The following SEMA6D variants were observed in gnomAD, a reference collection of about 807,000 sequenced individuals.
SEMA6D encodes semaphorin 6D.
In SEMA6D, 35 loss-of-function variants were observed where a neutral mutation model predicts 106.6. The ratio of observed to expected loss-of-function variants is 0.33; its 90% CI spans 0.25 to 0.44. The LOEUF (loss-of-function observed/expected upper bound fraction) is 0.44, where lower values mean the gene tolerates loss of function less well. Ranked by LOEUF, SEMA6D falls within the 20% of genes least tolerant of loss-of-function variation. The pLI is 1.00. For synonymous variants in SEMA6D, 499 were observed against 487.7 expected, an observed-to-expected ratio of 1.02 and a Z score of -0.31; for missense variants, 1,185 against 1,345.9, an observed-to-expected ratio of 0.88 and a Z score of 1.87.
chr15:47,414,994 G>A lies in SEMA6D; in HGVS notation c.-159+2522G>A, dbSNP rs187664099. On this transcript the variant is annotated intron_variant, in intron 2 of 19. Transcript: ENST00000558014. ...TACTCTATTCTCTGTAGACTTAGCT[G>A]GAGATAAAATAATAAGTAAAAAATA... Among the ~76,000 whole-genome samples the A allele has an allele frequency of 1.6e-3, 236 of 152,212 alleles. 1 individual carries two copies. Among genetic ancestry groups the A allele is most frequent in the African/African-American group, 5.6e-3 (232 of 41,534 alleles).
intron 2 of SEMA6D, among the ~76,000 whole-genome samples, chr15:47,469,345 T>C (rs945117084): frequency 1.4e-5 from 2 of 144,126 alleles, no homozygotes; most frequent in South Asian, 2.1e-4. Context: ...CATGTGCGTG[T>C]GTGTGTGTGT....
At chr15:47,228,442 T>C (rs1303207678) in intron 1 of SEMA6D, among the ~76,000 whole-genome samples, 1 of 149,000 alleles carries the variant, frequency 6.7e-6, no homozygotes, top group Non-Finnish European at 1.5e-5. Context: ...AAATGATAGC[T>C]CTGTCCCAGA....
intron 3 of SEMA6D, among the ~76,000 whole-genome samples, chr15:47,533,560 C>T (rs184587289): frequency 9.9e-5 from 15 of 152,152 alleles, no homozygotes; most frequent in Admixed American, 5.9e-4. Context: ...GTGGGAAGCG[C>T]GGGAAGTGAA....
At chr15:47,334,398 T>A (rs568024985) in intron 1 of SEMA6D, among the ~76,000 whole-genome samples, 1 of 152,266 alleles carries the variant, frequency 6.6e-6, no homozygotes, top group African/African-American at 2.4e-5. Context: ...GGGCCCAGAC[T>A]TATGACTAGT....
At chr15:47,228,379 A>C (rs1414852909) in intron 1 of SEMA6D, among the ~76,000 whole-genome samples, 1 of 151,898 alleles carries the variant, frequency 6.6e-6, no homozygotes, top group Non-Finnish European at 1.5e-5. Context: ...TTAATCTATG[A>C]GGACTTAATA....
chr15:47,690,783 C>T (rs1031450884), intron 4 of SEMA6D, among the ~76,000 whole-genome samples: 7 of 139,250 alleles, frequency 5.0e-5, no homozygotes, highest in East Asian at 4.1e-4. Flanking sequence ...TTGTAGAAAC[C>T]GGGCTATTTT....
chr15:47,434,063 C>T (rs1232347908), intron 2 of SEMA6D, among the ~76,000 whole-genome samples: 2 of 151,924 alleles, frequency 1.3e-5, no homozygotes, highest in Non-Finnish European at 2.9e-5. Flanking sequence ...GTTGAGGTGG[C>T]AGAGAAAAAA....
In SEMA6D at chr15:47,585,107, G is replaced by A. The variant is rs543623189; in HGVS notation, c.-86-15758G>A. Among the ~76,000 whole-genome samples, 10 of 152,336 alleles carry A rather than the reference G, an allele frequency of 6.6e-5. No homozygotes were observed. The East Asian group carries it at 1.7e-3, about 26-fold the overall frequency. ...TTTGTTTGGCATCTGTTTATGTCAA[G>A]TCAGATCTTCTCCCAACATCCAAAT... On this transcript the variant is annotated intron_variant, in intron 3 of 19. Coordinates refer to the SEMA6D transcript ENST00000558014.
chr15:47,704,452 C>T (rs2078874500), intron 4 of SEMA6D, among the ~76,000 whole-genome samples: 1 of 152,222 alleles, frequency 6.6e-6, no homozygotes, highest in Non-Finnish European at 1.5e-5. Flanking sequence ...GGAACAGCAG[C>T]TCACGCCTGT....
At chr15:47,261,171 C>G (rs563799880) in intron 1 of SEMA6D, among the ~76,000 whole-genome samples, 1 of 152,050 alleles carries the variant, frequency 6.6e-6, no homozygotes, top group Non-Finnish European at 1.5e-5. Context: ...TTTTACTAAC[C>G]GAGTTTTGCC....
intron 1 of SEMA6D, among the ~76,000 whole-genome samples, chr15:47,209,835 T>C (rs963620004): frequency 6.6e-6 from 1 of 152,166 alleles, no homozygotes; most frequent in African/African-American, 2.4e-5. Flanking sequence ...AAGGAAAATA[T>C]TGAAATTCTT....
intron 1 of SEMA6D, among the ~76,000 whole-genome samples, chr15:47,754,808 C>G (rs1368927075): frequency 2.0e-5 from 3 of 152,060 alleles, no homozygotes; most frequent in Non-Finnish European, 4.4e-5. Flanking sequence ...CTGTTTCTTT[C>G]AAACTTTTTG....
chr15:47,651,916 T>C (rs764285655), intron 4 of SEMA6D, among the ~76,000 whole-genome samples: 7 of 152,216 alleles, frequency 4.6e-5, no homozygotes, highest in Non-Finnish European at 8.8e-5. Context: ...AACCACATCT[T>C]TCCCCTGCCT....
intron 2 of SEMA6D, among the ~76,000 whole-genome samples, chr15:47,447,098 G>A (rs1455645533): frequency 6.6e-6 from 1 of 152,058 alleles, no homozygotes; most frequent in African/African-American, 2.4e-5. Context: ...TCATTCATGG[G>A]CACGTGCTCT....
At chr15:47,209,931 A>G (rs2054280015) in intron 1 of SEMA6D, among the ~76,000 whole-genome samples, 1 of 152,220 alleles carries the variant, frequency 6.6e-6, no homozygotes, top group Non-Finnish European at 1.5e-5. Context: ...CAGTTCTTGT[A>G]CCAGTGTGAA....
intron 4 of SEMA6D, among the ~76,000 whole-genome samples, chr15:47,695,549 A>G (rs2078681634): frequency 6.6e-6 from 1 of 152,076 alleles, no homozygotes. Context: ...CACACACAAC[A>G]CACACAAATT....
chr15:47,316,680 T>C (rs2036696655), intron 1 of SEMA6D, among the ~76,000 whole-genome samples: 1 of 151,096 alleles, frequency 6.6e-6, no homozygotes, highest in Admixed American at 6.6e-5. Flanking sequence ...GATATGGTCA[T>C]TGATTTCTTT....
At chr15:47,465,319 A>T (rs183711585) in intron 2 of SEMA6D, among the ~76,000 whole-genome samples, 1 of 152,168 alleles carries the variant, frequency 6.6e-6, no homozygotes, top group African/African-American at 2.4e-5. Context: ...GTTCTTAATA[A>T]TAAGCCCCTA....
intron 1 of SEMA6D, among the ~76,000 whole-genome samples, chr15:47,740,388 C>T (rs964414034): frequency 1.4e-4 from 22 of 151,910 alleles, no homozygotes; most frequent in African/African-American, 4.4e-4. Context: ...GGCATGGTGG[C>T]GCGCGCCTGT....
Sources: allele counts gnomAD v4.1 joint callset (sites outside exome capture counted in the v4.1 genomes callset), GRCh38; gene constraint gnomAD v4.1.1; transcripts MANE v1.5; gene names NCBI Gene and HGNC (gene_info 2026-07-23, HGNC 2026-07-21).